PLXNA4: variants seen among roughly 807,000 people sequenced by gnomAD.
PLXNA4 encodes plexin-A4.
Under a neutral mutation model 191.8 loss-of-function variants are expected in PLXNA4, and 44 were observed. The ratio of observed to expected loss-of-function variants is 0.23; its 90% CI spans 0.18 to 0.29. PLXNA4 has a LOEUF of 0.29. Ranked by LOEUF, PLXNA4 falls within the 10% of genes least tolerant of loss-of-function variation. The probability of loss-of-function intolerance (pLI) is 1.00; values close to 1 mark genes in which losing one functional copy is unlikely to be tolerated. For missense variants in PLXNA4, 1,800 were observed against 2,488.8 expected (o/e 0.72, Z 5.89); for synonymous variants, 1,082 against 1,009.5 (o/e 1.07, Z -1.36).
intron 2 of PLXNA4, among the ~76,000 whole-genome samples, chr7:132,584,534 A>G (rs926201872): frequency 2.0e-5 from 3 of 152,230 alleles, no homozygotes; most frequent in Non-Finnish European, 2.9e-5. Flanking sequence ...ACCACAGAAC[A>G]TGGTGCAGAT....
chr7:132,606,947 A>G (rs1366785552), intron 2 of PLXNA4, among the ~76,000 whole-genome samples: 1 of 152,210 alleles, frequency 6.6e-6, no homozygotes, highest in East Asian at 1.9e-4. Context: ...TGAGATTCAC[A>G]CAGTCCCCTG....
chr7:132,217,897 CTTTTTTTTTTTTT>C (rs138576612), intron 9 of PLXNA4, among the ~76,000 whole-genome samples: 58 of 43,432 alleles, frequency 1.3e-3, no homozygotes, highest in Middle Eastern at 0.023. Flanking sequence ...GCTGGATTTG[CTTTTTTTTTTTTT>C]TTTTTTTTTT....
At chr7:132,477,540 C>T (rs1050301092) in intron 3 of PLXNA4, among the ~76,000 whole-genome samples, 5 of 152,178 alleles carry the variant, frequency 3.3e-5, no homozygotes, top group African/African-American at 1.2e-4. Context: ...TTGTAAGCCA[C>T]CTAAACTTGG....
intron 2 of PLXNA4, among the ~76,000 whole-genome samples, chr7:132,501,287 C>G (rs1327314432): frequency 6.6e-6 from 1 of 152,128 alleles, no homozygotes; most frequent in Non-Finnish European, 1.5e-5. Flanking sequence ...GGACAGACAT[C>G]AAGGACAGAA....
At chr7:132,349,414 T>C (rs1221141357) in intron 3 of PLXNA4, among the ~76,000 whole-genome samples, 1 of 152,056 alleles carries the variant, frequency 6.6e-6, no homozygotes, top group Non-Finnish European at 1.5e-5. Context: ...CTGCCTGGTG[T>C]GTGCAGGGAG....
chr7:132,159,462 A>G lies in PLXNA4; in HGVS notation c.4660+11T>C, dbSNP rs1584776761. ...CCACAAGGACAGCCCCTGGGTGGAC[A>G]GCCTACTCACCCAGATCCATATCTG... On this transcript the variant is annotated intron_variant, in intron 25 of 31. Coordinates refer to ENST00000321063, the MANE Select transcript of PLXNA4 (RefSeq NM_020911.2). 1.2e-6 allele frequency: 2 copies of G among 1,613,776 alleles called. No individual in the cohort carries two copies. The highest frequency in any genetic ancestry group is 4.5e-5 in the East Asian group (2 of 44,878).
chr7:132,138,486 G>A (rs1306635887), intron 30 of PLXNA4, among the ~76,000 whole-genome samples: 1 of 152,134 alleles, frequency 6.6e-6, no homozygotes, highest in African/African-American at 2.4e-5. Context: ...TCTGGGAGTG[G>A]GAGTGGACGT....
chr7:132,322,184 C>CTGTTTTTTTTTTTTTT (rs376377991), intron 3 of PLXNA4, among the ~76,000 whole-genome samples: 1 of 122,520 alleles, frequency 8.2e-6, no homozygotes, highest in African/African-American at 3.0e-5. Context: ...CCTAAAAGGG[C>CTGTTTTTTTTTTTTTT]TTTTTTTTTT....
chr7:132,262,843 G>A (rs1311487266), intron 4 of PLXNA4, among the ~76,000 whole-genome samples: 1 of 152,052 alleles, frequency 6.6e-6, no homozygotes, highest in Non-Finnish European at 1.5e-5. Context: ...AGTCCCTAGA[G>A]ACCACTTGTC....
chr7:132,626,062 A>G (rs1424350953), intron 2 of PLXNA4, among the ~76,000 whole-genome samples: 2 of 152,176 alleles, frequency 1.3e-5, no homozygotes, highest in African/African-American at 4.8e-5. Context: ...ACCCTTATAC[A>G]GAACCCAGCC....
At chr7:132,561,363 C>T (rs1438404958) in intron 1 of PLXNA4, among the ~76,000 whole-genome samples, 1 of 145,070 alleles carries the variant, frequency 6.9e-6, no homozygotes, top group Non-Finnish European at 1.5e-5. Context: ...CCTCTCCCTC[C>T]TTCTTGTCCT....
At chr7:132,636,911 A>AGGAGGTGG (rs1563200768) in intron 2 of PLXNA4, among the ~76,000 whole-genome samples, 1 of 152,176 alleles carries the variant, frequency 6.6e-6, no homozygotes. Flanking sequence ...CAAAGGATGC[A>AGGAGGTGG]GGAGGTGGGG....
At chr7:132,135,181 C>CACAG (rs1198841714) in intron 30 of PLXNA4, among the ~76,000 whole-genome samples, 2 of 152,192 alleles carry the variant, frequency 1.3e-5, no homozygotes, top group East Asian at 3.8e-4. Flanking sequence ...GGGCTATCTT[C>CACAG]ACAGGCTTTA....
At chr7:132,232,094 C>A (rs1798542993) in intron 5 of PLXNA4, among the ~76,000 whole-genome samples, 1 of 152,166 alleles carries the variant, frequency 6.6e-6, no homozygotes, top group African/African-American at 2.4e-5. Context: ...CTTGTGGGGT[C>A]TGTCAAGGGA....
Position 132,187,059 on chromosome 7 carries a change from C to T in PLXNA4, c.2993+412G>A, listed in dbSNP as rs533511206. Among the ~76,000 whole-genome samples, 366 of 152,274 alleles carry T rather than the reference C, an allele frequency of 2.4e-3. 1 individual carries two copies. Among genetic ancestry groups the T allele is most frequent in the Non-Finnish European group, 3.5e-3 (239 of 68,030 alleles). On this transcript the variant is annotated intron_variant, in intron 15 of 31. Coordinates refer to ENST00000321063, the MANE Select transcript of PLXNA4 (RefSeq NM_020911.2). ...CAGCTGGTACCACCCAGACCAGTAA[C>T]GTGGCTCAACTAGTTCTGCGATCCC...
intron 3 of PLXNA4, among the ~76,000 whole-genome samples, chr7:132,477,496 G>A (rs1342768901): frequency 1.3e-5 from 2 of 152,210 alleles, no homozygotes; most frequent in Non-Finnish European, 2.9e-5. Flanking sequence ...GGGTGCACAT[G>A]AACGTGAGTT....
rs535243415 is a variant in PLXNA4 at position 132,643,216 on chromosome 7, G to T, written c.-87+2712C>A. 2.6e-5 allele frequency among the ~76,000 whole-genome samples: 4 copies of T among 152,272 alleles called. No individual in the cohort carries two copies. The South Asian group carries it at 8.3e-4, about 32-fold the overall frequency. On this transcript the variant is annotated intron_variant, in intron 2 of 4. Coordinates refer to the PLXNA4 transcript ENST00000378539. ...GATGAAGCTCCTCCATGTTCCTTCA[G>T]CTTCCTGCAGGATCCTGTCTGTCTG...
chr7:132,635,192 ATATATAT>A (rs1422312632), intron 2 of PLXNA4, among the ~76,000 whole-genome samples: 1 of 148,116 alleles, frequency 6.8e-6, no homozygotes, highest in Non-Finnish European at 1.5e-5. Context: ...ATATATATAT[ATATATAT>A]ATACGTATCC....
In PLXNA4 at chr7:132,227,636, G is replaced by A. The variant is rs199935022; in HGVS notation, c.1729-32C>T. ...ACAGCCAGGCGGGGGGAGAGAAGGAGGAGGGTGAAATGGGAAAAGGACAGG... is the reference window on the plus strand; with the variant it reads ...ACAGCCAGGCGGGGGGAGAGAAGGAAGAGGGTGAAATGGGAAAAGGACAGG... On this transcript the variant is annotated intron_variant, in intron 6 of 31. Coordinates refer to ENST00000321063, the MANE Select transcript of PLXNA4 (RefSeq NM_020911.2). 2,040 of 1,613,826 alleles carry A rather than the reference G, an allele frequency of 1.3e-3. 5 individuals carry two copies. The highest frequency in any genetic ancestry group is 6.8e-3 in the Middle Eastern group (41 of 6,062).
Sources: allele counts gnomAD v4.1 joint callset (sites outside exome capture counted in the v4.1 genomes callset), GRCh38; gene constraint gnomAD v4.1.1; transcripts MANE v1.5; gene names NCBI Gene and HGNC (gene_info 2026-07-23, HGNC 2026-07-21).